PTCD2: variants seen among roughly 807,000 people sequenced by gnomAD.
PTCD2 encodes pentatricopeptide repeat-containing protein 2, mitochondrial.
In PTCD2, 31 loss-of-function variants were observed where a neutral mutation model predicts 42.6. The observed-to-expected ratio is 0.73, with a 90% confidence interval of 0.55 to 0.98. PTCD2 has a LOEUF of 0.98. Ranked by LOEUF, PTCD2 falls within the 50% of genes least tolerant of loss-of-function variation. PTCD2 has a pLI of 0.00. For missense variants in PTCD2, 476 were observed against 454.8 expected (o/e 1.05, Z -0.42); for synonymous variants, 183 against 170.9 (o/e 1.07, Z -0.55).
In PTCD2 at chr5:72,329,314, C is replaced by T. The variant is rs73761761; in HGVS notation, c.351-1944C>T. 5.5e-3 allele frequency among the ~76,000 whole-genome samples: 835 copies of T among 152,312 alleles called. 15 individuals carry two copies. The highest frequency in any genetic ancestry group is 0.019 in the African/African-American group (798 of 41,542). On this transcript the variant is annotated intron_variant, in intron 3 of 9. Coordinates refer to ENST00000380639, the MANE Select transcript of PTCD2 (RefSeq NM_024754.5). The stretch of plus-strand genomic sequence containing the variant: ...TCTCTTTCTCCCTGAGTCAGGCAGC[C>T]CGTGGCTGGGAAAGGAGAGTCACGA...
intron 6 of PTCD2, among the ~76,000 whole-genome samples, chr5:72,336,622 A>G (rs935247311): frequency 6.6e-6 from 1 of 151,582 alleles, no homozygotes; most frequent in African/African-American, 2.4e-5. Context: ...GAGGCAGGAG[A>G]ATTGCTTGAA....
At chr5:72,334,376 C>T (rs767539889) in intron 4 of PTCD2, among the ~76,000 whole-genome samples, 63 of 152,148 alleles carry the variant, frequency 4.1e-4, no homozygotes, top group Non-Finnish European at 8.1e-4. Flanking sequence ...TAATAGCTGG[C>T]ACCTAGTTTC....
rs370408451 is a variant in PTCD2 at position 72,357,092 on chromosome 5, C to G, written c.943-1111C>G. ...ACTTGTGACTCTACTACGTATGCCT[C>G]TAGCCCAGACCTCTCCTTCATGCCC... On this transcript the variant is annotated intron_variant, in intron 9 of 9. Transcript: ENST00000380639. Among the ~76,000 whole-genome samples, 25 of 152,308 alleles carry G rather than the reference C, an allele frequency of 1.6e-4. No homozygotes were observed. In the East Asian group the frequency reaches 4.2e-3, roughly 26 times the overall value.
chr5:72,323,187 AT>A (rs956997669), intron 2 of PTCD2, among the ~76,000 whole-genome samples: 1 of 152,178 alleles, frequency 6.6e-6, no homozygotes, highest in Non-Finnish European at 1.5e-5. Flanking sequence ...TTGAAAAAAA[AT>A]CCAGTGTGTT....
Position 72,362,097 on chromosome 5 carries a change from A to G in PTCD2, c.*3670A>G, listed in dbSNP as rs950003401. Reference sequence around the variant, plus strand: ...GCTCATTTAACTATATTGTATAACAATGTTGGTGGTCATATTGGTCCCCCA... The same window carrying G: ...GCTCATTTAACTATATTGTATAACAGTGTTGGTGGTCATATTGGTCCCCCA... On this transcript the variant is annotated 3_prime_UTR_variant, in exon 10 of 10. Coordinates refer to ENST00000380639, the MANE Select transcript of PTCD2 (RefSeq NM_024754.5). 1 of 152,258 alleles carries G rather than the reference A, an allele frequency of 6.6e-6. No individual in the cohort carries two copies. Among genetic ancestry groups the G allele is most frequent in the Admixed American group, 6.5e-5 (1 of 15,290 alleles). 9.4% of individuals were successfully genotyped at this position (152,258 alleles called of 1,614,324 possible).
At chr5:72,340,544 CT>C (rs1416006587) in intron 7 of PTCD2, among the ~76,000 whole-genome samples, 1 of 152,168 alleles carries the variant, frequency 6.6e-6, no homozygotes, top group Admixed American at 6.5e-5. Context: ...ATACTCCCAA[CT>C]TTTGAGTCCT....
chr5:72,322,293 C>A, intron 2 of PTCD2, 29 bp downstream of exon 2: 1 of 1,284,168 alleles, frequency 7.8e-7, no homozygotes, highest in South Asian at 1.2e-5. Context: ...TTAATTCTGT[C>A]ATTTATCTGT....
intron 8 of PTCD2, among the ~76,000 whole-genome samples, chr5:72,349,114 C>T (rs559960317): frequency 2.6e-5 from 4 of 152,346 alleles, no homozygotes; most frequent in African/African-American, 7.2e-5. Context: ...GGTCAGTCCA[C>T]GCCTTGTGTG....
intron 4 of PTCD2, among the ~76,000 whole-genome samples, chr5:72,334,574 C>T (rs972484079): frequency 1.3e-5 from 2 of 150,886 alleles, no homozygotes; most frequent in Non-Finnish European, 1.5e-5. Context: ...CTTTTTGAGA[C>T]GGAGTCTCGC....
At chr5:72,337,281 T>C (rs1033326928) in intron 6 of PTCD2, among the ~76,000 whole-genome samples, 1 of 152,020 alleles carries the variant, frequency 6.6e-6, no homozygotes, top group East Asian at 1.9e-4. Context: ...AATGTTAAAG[T>C]CATTCTTAGC....
chr5:72,347,962 A>T (rs538944328), intron 8 of PTCD2, among the ~76,000 whole-genome samples: 10 of 152,352 alleles, frequency 6.6e-5, no homozygotes, highest in Admixed American at 5.2e-4. Context: ...CTTTGAAGTG[A>T]TACTGAGTAT....
intron 1 of PTCD2, chr5:72,320,797 CT>C: frequency 2.6e-6 from 1 of 385,918 alleles, no homozygotes; most frequent in Non-Finnish European, 4.7e-6. Flanking sequence ...CCTTGGGTGA[CT>C]TTTATTTATT....
At chr5:72,336,199 C>G (rs913663987) in intron 6 of PTCD2, among the ~76,000 whole-genome samples, 29 of 152,314 alleles carry the variant, frequency 1.9e-4, no homozygotes, top group African/African-American at 7.0e-4. Context: ...TCCATCTTCC[C>G]TGTTGTCCTT....
chr5:72,333,554 C>T (rs1305906382), intron 4 of PTCD2, among the ~76,000 whole-genome samples: 1 of 152,096 alleles, frequency 6.6e-6, no homozygotes, highest in African/African-American at 2.4e-5. Context: ...TTGAGCAAGG[C>T]ATTTAATGAC....
chr5:72,346,592 G>A (rs1752371048), intron 8 of PTCD2, among the ~76,000 whole-genome samples: 1 of 152,210 alleles, frequency 6.6e-6, no homozygotes, highest in African/African-American at 2.4e-5. Flanking sequence ...GTTGGCAAAG[G>A]TCCAGAGTCC....
In PTCD2 at chr5:72,360,580, T is replaced by C. The variant is rs1331061849; in HGVS notation, c.*2153T>C. On this transcript the variant is annotated 3_prime_UTR_variant, in exon 10 of 10. Coordinates refer to ENST00000380639, the MANE Select transcript of PTCD2 (RefSeq NM_024754.5). Reference sequence around the variant, plus strand: ...CAATAAAACAGTGTTCAGTATAGGTTATGATAGGCATTTCATTCTTTAAAA... The same window carrying C: ...CAATAAAACAGTGTTCAGTATAGGTCATGATAGGCATTTCATTCTTTAAAA... 6.6e-6 allele frequency: 1 copy of C among 152,218 alleles called. No individual in the cohort carries two copies. The highest frequency in any genetic ancestry group is 1.5e-5 in the Non-Finnish European group (1 of 68,044). The allele number at this position is 152,218 out of a possible 1,614,324, so 9.4% of individuals were successfully genotyped here.
intron 2 of PTCD2, among the ~76,000 whole-genome samples, chr5:72,325,460 C>T (rs1751088874): frequency 1.3e-5 from 2 of 152,186 alleles, no homozygotes; most frequent in African/African-American, 2.4e-5. Context: ...GAAGGTACCA[C>T]GATCCTTAAT....
Position 72,331,270 on chromosome 5 carries a change from GAAC to G in PTCD2, c.366_368del (p.Asn122del). 6.2e-7 allele frequency: 1 copy of G among 1,612,186 alleles called. No individual in the cohort carries two copies. Among genetic ancestry groups the G allele is most frequent in the East Asian group, 2.2e-5 (1 of 44,866 alleles). On this transcript the variant is annotated inframe_deletion, in exon 4 of 10. Coordinates refer to ENST00000380639, the MANE Select transcript of PTCD2 (RefSeq NM_024754.5). ...TTTTCATTACCAGGTACCATGCAGA[GAAC>G]AAAAATTTCACTTTGGGGGAGTATA...
chr5:72,350,846 T>A (rs1326843995), intron 8 of PTCD2, among the ~76,000 whole-genome samples: 1 of 152,212 alleles, frequency 6.6e-6, no homozygotes, highest in African/African-American at 2.4e-5. Flanking sequence ...TTTGTAAGGA[T>A]CAAGAGCCTT....
Sources: allele counts gnomAD v4.1 joint callset (sites outside exome capture counted in the v4.1 genomes callset), GRCh38; gene constraint gnomAD v4.1.1; transcripts MANE v1.5; gene names NCBI Gene and HGNC (gene_info 2026-07-23, HGNC 2026-07-21).